The following KIAA1328 variants were observed in gnomAD, a reference collection of about 807,000 sequenced individuals.
The protein encoded by KIAA1328 is KIAA1328.
A neutral mutation model predicts 68.1 loss-of-function variants in KIAA1328; 52 were observed. The ratio of observed to expected loss-of-function variants is 0.76; its 90% CI spans 0.61 to 0.96. The LOEUF is 0.96. Among genes scored for constraint, KIAA1328 ranks in the 40% least tolerant of loss-of-function variants. The pLI, the probability that KIAA1328 is intolerant of heterozygous loss-of-function variation, is 0.00. For missense variants in KIAA1328, 641 were observed against 677.6 expected (o/e 0.95, Z 0.60); for synonymous variants, 232 against 239.4 (o/e 0.97, Z 0.28).
chr18:37,168,883 G>A (rs922138797), intron 8 of KIAA1328, among the ~76,000 whole-genome samples: 4 of 151,676 alleles, frequency 2.6e-5, no homozygotes, highest in East Asian at 1.9e-4. Context: ...TGGCTCAGCC[G>A]TTTAAAAAAT....
chr18:36,958,749 T>C (rs1029433053), intron 5 of KIAA1328, among the ~76,000 whole-genome samples: 1 of 152,204 alleles, frequency 6.6e-6, no homozygotes, highest in Non-Finnish European at 1.5e-5. Flanking sequence ...CTTTACCATG[T>C]CATTTCCAAA....
At chr18:37,048,068 G>GA (rs1352426317) in intron 6 of KIAA1328, among the ~76,000 whole-genome samples, 2 of 151,540 alleles carry the variant, frequency 1.3e-5, no homozygotes, top group Admixed American at 6.6e-5. Context: ...TTAATAACTT[G>GA]AAAAAAAATC....
chr18:37,025,908 C>A lies in KIAA1328; in HGVS notation c.577-40982C>A, dbSNP rs1444094344. Among the ~76,000 whole-genome samples the A allele has an allele frequency of 1.3e-5, 2 of 152,116 alleles. 1 individual carries two copies. The highest frequency in any genetic ancestry group is 2.9e-5 in the Non-Finnish European group (2 of 68,034). On this transcript the variant is annotated intron_variant, in intron 6 of 9. Transcript: ENST00000280020. ...CTGAAGGAAATAGAGACACAAAAAA[C>A]CCTTCAAAAAATCAATGAATCCAGG...
chr18:37,029,148 A>G (rs1341369400), intron 6 of KIAA1328, among the ~76,000 whole-genome samples: 4 of 151,888 alleles, frequency 2.6e-5, no homozygotes, highest in Non-Finnish European at 5.9e-5. Context: ...CATCTTCCCC[A>G]GGGCTTTTTC....
intron 1 of KIAA1328, among the ~76,000 whole-genome samples, chr18:36,829,706 G>A (rs916985507): frequency 6.6e-6 from 1 of 152,200 alleles, no homozygotes; most frequent in African/African-American, 2.4e-5. Flanking sequence ...TAATACTGGG[G>A]TTTTAGGAGA....
intron 4 of KIAA1328, among the ~76,000 whole-genome samples, chr18:36,848,498 A>C (rs990829274): frequency 1.0e-4 from 15 of 147,894 alleles, no homozygotes; most frequent in African/African-American, 3.2e-4. Flanking sequence ...TGTCATCTAC[A>C]AGTAAAAACA....
intron 7 of KIAA1328, among the ~76,000 whole-genome samples, chr18:37,106,216 A>C (rs1333462177): frequency 6.6e-6 from 1 of 152,124 alleles, no homozygotes; most frequent in Non-Finnish European, 1.5e-5. Flanking sequence ...GCATGTTACA[A>C]CATGGATAAA....
intron 9 of KIAA1328, among the ~76,000 whole-genome samples, chr18:37,220,760 G>A (rs1024640259): frequency 2.6e-5 from 4 of 152,118 alleles, no homozygotes; most frequent in Admixed American, 1.3e-4. Context: ...TTGGAGCTAG[G>A]TTCTGGCCCC....
intron 7 of KIAA1328, among the ~76,000 whole-genome samples, chr18:37,094,010 G>A (rs960989581): frequency 6.6e-6 from 1 of 152,220 alleles, no homozygotes; most frequent in Admixed American, 6.5e-5. Flanking sequence ...TGGTTTCATG[G>A]AAGACAGTTT....
chr18:36,848,900 T>G (rs1326253446), intron 4 of KIAA1328, among the ~76,000 whole-genome samples: 1 of 151,798 alleles, frequency 6.6e-6, no homozygotes, highest in Non-Finnish European at 1.5e-5. Context: ...TGTTCCTGGC[T>G]TAAGCCTCAT....
chr18:37,206,299 A>G (rs578050719), intron 9 of KIAA1328, among the ~76,000 whole-genome samples: 7 of 152,288 alleles, frequency 4.6e-5, no homozygotes, highest in African/African-American at 1.7e-4. Flanking sequence ...ACTCTGAGGA[A>G]GAGGACGGTT....
chr18:37,174,918 G>A (rs948215299), intron 9 of KIAA1328, among the ~76,000 whole-genome samples: 22 of 152,158 alleles, frequency 1.4e-4, no homozygotes, highest in East Asian at 3.9e-4. Context: ...TGATCCGCCC[G>A]CCTTGGCCTC....
intron 6 of KIAA1328, among the ~76,000 whole-genome samples, chr18:37,014,125 G>A (rs1292456658): frequency 1.3e-5 from 2 of 151,974 alleles, no homozygotes; most frequent in East Asian, 3.9e-4. Flanking sequence ...TATGTTTGTT[G>A]GCCACTTGTG....
chr18:36,998,911 G>C (rs959254042), intron 6 of KIAA1328, among the ~76,000 whole-genome samples: 1 of 152,206 alleles, frequency 6.6e-6, no homozygotes, highest in African/African-American at 2.4e-5. Context: ...TACAATACTT[G>C]TGGAGCAGTT....
intron 9 of KIAA1328, among the ~76,000 whole-genome samples, chr18:37,214,090 T>G (rs1027030479): frequency 3.3e-5 from 5 of 152,236 alleles, no homozygotes; most frequent in Non-Finnish European, 5.9e-5. Context: ...TTTCTCCCAT[T>G]CTGTAGGTTG....
At chr18:37,016,228 A>G (rs1161994808) in intron 6 of KIAA1328, among the ~76,000 whole-genome samples, 2 of 152,096 alleles carry the variant, frequency 1.3e-5, no homozygotes, top group African/African-American at 4.8e-5. Context: ...TTTTATTGAA[A>G]GCTATTTTGC....
intron 5 of KIAA1328, among the ~76,000 whole-genome samples, chr18:36,926,289 G>A (rs561323376): frequency 6.6e-6 from 1 of 152,260 alleles, no homozygotes; most frequent in Non-Finnish European, 1.5e-5. Flanking sequence ...TCTAATAGCA[G>A]ATGGCAGCAC....
intron 7 of KIAA1328, among the ~76,000 whole-genome samples, chr18:37,114,898 T>G (rs2058056877): frequency 6.6e-6 from 1 of 152,050 alleles, no homozygotes; most frequent in African/African-American, 2.4e-5. Context: ...TCTACGCAAA[T>G]AAACTAGAAA....
At chr18:36,945,108 C>T (rs756806326) in intron 5 of KIAA1328, among the ~76,000 whole-genome samples, 5 of 152,140 alleles carry the variant, frequency 3.3e-5, no homozygotes, top group Non-Finnish European at 7.4e-5. Context: ...TATGGGCTAA[C>T]TTATGTAGTA....
Sources: gnomAD v4.1 joint callset for allele counts (sites outside exome capture counted in the v4.1 genomes callset) on GRCh38, gnomAD v4.1.1 for gene constraint, MANE v1.5 for transcripts, NCBI Gene and HGNC (gene_info 2026-07-23, HGNC 2026-07-21) for gene names.